The following TESK2 variants were observed in gnomAD, a reference collection of about 807,000 sequenced individuals.
The protein encoded by TESK2 is dual specificity testis-specific protein kinase 2.
TESK2 carries 39 observed loss-of-function variants against 57.1 expected under a neutral mutation model. The ratio of observed to expected loss-of-function variants is 0.68; its 90% CI spans 0.53 to 0.89. The LOEUF (loss-of-function observed/expected upper bound fraction) is 0.89, where lower values mean the gene tolerates loss of function less well. Ranked by LOEUF, TESK2 falls within the 40% of genes least tolerant of loss-of-function variation. The pLI is 0.00. For missense variants in TESK2, 646 were observed against 732.1 expected (o/e 0.88, Z 1.36); for synonymous variants, 249 against 267.9 (o/e 0.93, Z 0.69).
At chr1:45,356,102 G>A (rs1647409592) in intron 4 of TESK2, among the ~76,000 whole-genome samples, 2 of 152,026 alleles carry the variant, frequency 1.3e-5, no homozygotes, top group African/African-American at 4.8e-5. Context: ...AAGGGAAATA[G>A]GAGATTACTG....
At chr1:45,363,222 C>T (rs1647768270) in intron 4 of TESK2, among the ~76,000 whole-genome samples, 1 of 152,148 alleles carries the variant, frequency 6.6e-6, no homozygotes, top group Admixed American at 6.6e-5. Flanking sequence ...AATTTATTTT[C>T]ATTTTTTACA....
chr1:45,447,422 C>T (rs564042178), intron 2 of TESK2, among the ~76,000 whole-genome samples: 43 of 151,754 alleles, frequency 2.8e-4, no homozygotes, highest in African/African-American at 9.7e-4. Context: ...CTACAGAGGT[C>T]AGGATCATAA....
chr1:45,476,968 A>AT (rs758226731), intron 1 of TESK2, among the ~76,000 whole-genome samples: 10 of 149,190 alleles, frequency 6.7e-5, no homozygotes, highest in Non-Finnish European at 8.9e-5. Context: ...CACCTGGCCG[A>AT]TTTTTTAATT....
At chr1:45,413,576 T>C (rs542336100) in intron 3 of TESK2, among the ~76,000 whole-genome samples, 2 of 152,222 alleles carry the variant, frequency 1.3e-5, no homozygotes, top group South Asian at 4.1e-4. Context: ...ATTCTTTTTC[T>C]TTTTCTTTCT....
At chr1:45,415,417 C>A in intron 3 of TESK2, 1 of 711,346 alleles carries the variant, frequency 1.4e-6, no homozygotes, top group Non-Finnish European at 2.4e-6. Flanking sequence ...TCCTCCACCC[C>A]ATTTGCTCGC....
At chr1:45,377,387 CA>C (rs1382565156) in intron 4 of TESK2, among the ~76,000 whole-genome samples, 1 of 148,802 alleles carries the variant, frequency 6.7e-6, no homozygotes, top group Non-Finnish European at 1.5e-5. Context: ...AAACTAACCC[CA>C]AAGAACAAAG....
At chr1:45,420,148 AT>A (rs1265253764) in intron 3 of TESK2, among the ~76,000 whole-genome samples, 1 of 152,076 alleles carries the variant, frequency 6.6e-6, no homozygotes, top group Non-Finnish European at 1.5e-5. Context: ...TCATTTAAAA[AT>A]ATACTGGCCA....
chr1:45,347,644 G>A lies in TESK2; in HGVS notation c.673C>T (p.Pro225Ser). The stretch of plus-strand genomic sequence containing the variant: ...TAGGGCTCATCTCGGAGAACCTCAG[G>A]TGCCATCCAGAATGGGGAACCCACC... ...AVVGSPFWMAPEVLRDEPYNE... is the reference protein window; with the variant it reads ...AVVGSPFWMASEVLRDEPYNE... The change falls in exon 7 of 11, where the codon CCT becomes TCT. Residue 225 changes from proline to serine, a missense_variant. Pro to Ser is a moderately conservative substitution (Grantham distance 74). Transcript: ENST00000372086. 1 of 1,614,164 alleles carries A rather than the reference G, an allele frequency of 6.2e-7. No homozygotes were observed. Among genetic ancestry groups the A allele is most frequent in the South Asian group, 1.1e-5 (1 of 91,084 alleles).
At chr1:45,417,665 C>T (rs1229116233) in intron 3 of TESK2, among the ~76,000 whole-genome samples, 3 of 151,792 alleles carry the variant, frequency 2.0e-5, no homozygotes, top group Admixed American at 2.0e-4. Context: ...GATCTCGGCT[C>T]ACTGCAAGCT....
At chr1:45,440,181 G>A (rs1472394156) in intron 2 of TESK2, among the ~76,000 whole-genome samples, 1 of 151,796 alleles carries the variant, frequency 6.6e-6, no homozygotes, top group Non-Finnish European at 1.5e-5. Context: ...CAGACTCTTG[G>A]CCTCATGTGA....
chr1:45,344,749 G>T lies in TESK2; in HGVS notation c.*91C>A. ...TTGGCCTAGCCTGCCTGCTCTGTAG[G>T]CTCCAGGGAAGAATCAAGGCTGTGC... On this transcript the variant is annotated 3_prime_UTR_variant, in exon 11 of 11. Coordinates refer to ENST00000372086, the MANE Select transcript of TESK2 (RefSeq NM_007170.3). 1 of 1,266,318 alleles carries T rather than the reference G, an allele frequency of 7.9e-7. No individual in the cohort carries two copies. Among genetic ancestry groups the T allele is most frequent in the Non-Finnish European group, 1.1e-6 (1 of 909,682 alleles). 78.4% of individuals were successfully genotyped at this position (1,266,318 alleles called of 1,614,324 possible).
intron 1 of TESK2, among the ~76,000 whole-genome samples, chr1:45,475,259 T>G (rs1652940808): frequency 7.2e-6 from 1 of 138,206 alleles, no homozygotes; most frequent in Non-Finnish European, 1.5e-5. Flanking sequence ...CAGGATGGAG[T>G]GCAGTGACGC....
At chr1:45,376,577 T>C (rs1648437982) in intron 4 of TESK2, among the ~76,000 whole-genome samples, 1 of 152,028 alleles carries the variant, frequency 6.6e-6, no homozygotes, top group Non-Finnish European at 1.5e-5. Context: ...TTTCTTAGAG[T>C]TGGGTCTACA....
chr1:45,415,681 C>T (rs186734252), intron 3 of TESK2, among the ~76,000 whole-genome samples: 2 of 152,168 alleles, frequency 1.3e-5, no homozygotes, highest in South Asian at 2.1e-4. Context: ...AAGTGATTTA[C>T]GTGTACTAAT....
intron 4 of TESK2, among the ~76,000 whole-genome samples, chr1:45,380,897 C>A (rs1406917528): frequency 2.0e-5 from 3 of 152,162 alleles, no homozygotes; most frequent in Non-Finnish European, 4.4e-5. Flanking sequence ...AAATACTATG[C>A]ATGCTACACA....
chr1:45,346,160 A>G (rs1304496545), intron 9 of TESK2, among the ~76,000 whole-genome samples, 166 bp from the exon 10 acceptor site: 1 of 152,188 alleles, frequency 6.6e-6, no homozygotes, highest in Non-Finnish European at 1.5e-5. Context: ...GTCAGGGAAA[A>G]CACTACTGTC....
chr1:45,482,039 T>C (rs1443926673), intron 1 of TESK2, among the ~76,000 whole-genome samples: 1 of 152,226 alleles, frequency 6.6e-6, no homozygotes, highest in Non-Finnish European at 1.5e-5. Flanking sequence ...TGCTGTGTGA[T>C]GCTAATCGTC....
chr1:45,384,471 G>A (rs944364753), intron 4 of TESK2, among the ~76,000 whole-genome samples: 1 of 151,708 alleles, frequency 6.6e-6, no homozygotes, highest in African/African-American at 2.4e-5. Flanking sequence ...CCAGGCTGGA[G>A]TGCAGTGGCA....
chr1:45,430,750 A>C (rs894691195), intron 2 of TESK2, among the ~76,000 whole-genome samples: 1 of 152,164 alleles, frequency 6.6e-6, no homozygotes, highest in African/African-American at 2.4e-5. Context: ...GCGACATTTC[A>C]TGTGTGGTTC....
Sources: allele counts gnomAD v4.1 joint callset (sites outside exome capture counted in the v4.1 genomes callset), GRCh38; gene constraint gnomAD v4.1.1; transcripts MANE v1.5; gene names NCBI Gene and HGNC (gene_info 2026-07-23, HGNC 2026-07-21).